The following CACNA1A variants were observed in gnomAD, a reference collection of about 807,000 sequenced individuals.
CACNA1A encodes voltage-dependent P/Q-type calcium channel subunit alpha-1A.
A neutral mutation model predicts 262.4 loss-of-function variants in CACNA1A; 57 were observed. That is an observed-to-expected ratio of 0.22 (90% CI 0.18 to 0.27). The LOEUF is 0.27. CACNA1A is among the 10% of genes least tolerant of loss of function. The pLI, the probability that CACNA1A is intolerant of heterozygous loss-of-function variation, is 1.00. For missense variants in CACNA1A, 2,526 were observed against 3,562.8 expected, an observed-to-expected ratio of 0.71 and a Z score of 7.41; for synonymous variants, 1,431 against 1,419.3, an observed-to-expected ratio of 1.01 and a Z score of -0.18.
In CACNA1A at chr19:13,286,563, G is replaced by A; in HGVS notation, c.3493C>T (p.His1165Tyr). The A allele has an allele frequency of 6.4e-7, 1 of 1,550,466 alleles. No individual in the cohort carries two copies. Among genetic ancestry groups the A allele is most frequent in the South Asian group, 1.3e-5 (1 of 79,312 alleles). The change falls in exon 20 of 47, where the codon CAC becomes TAC. Residue 1165 changes from histidine (H) to tyrosine (Y), a missense_variant. His to Tyr is a moderately conservative substitution (Grantham distance 83). This residue lies in a region of CACNA1A where 765 missense variants were observed against 748.6 expected (regional missense o/e 1.02). Coordinates refer to ENST00000360228, the MANE Select transcript of CACNA1A (RefSeq NM_001127222.2). ...NSAKTARKPD[H>Y]TTVDIPPACP... ...GCTGGGGGGATGTCCACTGTGGTGT[G>A]GTCGGGTTTCCTGGCAGTCTTAGCT...
chr19:13,470,599 C>G lies in CACNA1A; in HGVS notation c.294-15387G>C, dbSNP rs139773671. ...ATGCATTTCGATGTATTTTGCCATTCTCTTGTTGCCCTTTCTCCCTAAAAT... is the reference window on the plus strand; with the variant it reads ...ATGCATTTCGATGTATTTTGCCATTGTCTTGTTGCCCTTTCTCCCTAAAAT... On this transcript the variant is annotated intron_variant, in intron 1 of 46. Transcript: ENST00000360228. 2.8e-3 allele frequency among the ~76,000 whole-genome samples: 419 copies of G among 152,324 alleles called. 2 individuals are homozygous for G. Among genetic ancestry groups the G allele is most frequent in the African/African-American group, 9.5e-3 (395 of 41,572 alleles).
At chr19:13,371,841 G>A (rs1485614480) in intron 3 of CACNA1A, 62 bp from the exon 4 acceptor site, 6 of 1,195,528 alleles carry the variant, frequency 5.0e-6, no homozygotes, top group African/African-American at 4.5e-5. Flanking sequence ...ACAGCAGGGC[G>A]GGGGTGCTTG....
intron 32 of CACNA1A, 151 bp downstream of exon 32, chr19:13,235,463 G>C (rs757988504): frequency 3.3e-5 from 25 of 761,526 alleles, no homozygotes; most frequent in Admixed American, 8.2e-5. Flanking sequence ...GACACACCAG[G>C]GACAGGAAGT....
At chr19:13,461,467 G>A (rs1165220667) in intron 1 of CACNA1A, among the ~76,000 whole-genome samples, 1 of 152,250 alleles carries the variant, frequency 6.6e-6, no homozygotes, top group Non-Finnish European at 1.5e-5. Context: ...AAGTCTCCAT[G>A]AGCATGTTAA....
intron 37 of CACNA1A, chr19:13,226,479 G>A (rs1204233886): frequency 6.6e-6 from 1 of 152,440 alleles, no homozygotes; most frequent in African/African-American, 2.4e-5. Context: ...GGAAGATCAA[G>A]GTGGATGGGA....
intron 29 of CACNA1A, 37 bp downstream of exon 29, chr19:13,255,058 G>T (rs374288189): frequency 6.2e-7 from 1 of 1,608,332 alleles, no homozygotes; most frequent in South Asian, 1.1e-5. Context: ...ACGAGGTGGG[G>T]GTTAAGTAGT....
At chr19:13,404,145 T>C (rs751102191) in intron 3 of CACNA1A, among the ~76,000 whole-genome samples, 9 of 151,874 alleles carry the variant, frequency 5.9e-5, no homozygotes, top group Non-Finnish European at 8.8e-5. Context: ...AACAGGTTCA[T>C]AGGCACACAT....
intron 37 of CACNA1A, chr19:13,226,275 A>AGGGGGG (rs2055444404): frequency 1.5e-4 from 7 of 46,656 alleles, no homozygotes; most frequent in African/African-American, 2.9e-4. Context: ...GGGGGGCGGC[A>AGGGGGG]GGGAGGGGCA....
At chr19:13,240,726 A>T (rs1262784901) in intron 31 of CACNA1A, among the ~76,000 whole-genome samples, 1 of 130,190 alleles carries the variant, frequency 7.7e-6, no homozygotes, top group South Asian at 2.7e-4. Context: ...GTGTGCAGTG[A>T]CTGCAGTGAC....
At chr19:13,318,012 G>C (rs1399726650) in intron 10 of CACNA1A, among the ~76,000 whole-genome samples, 1 of 152,258 alleles carries the variant, frequency 6.6e-6, no homozygotes, top group Admixed American at 6.5e-5. Flanking sequence ...GATGGGTGCA[G>C]TGGCACATGC....
intron 24 of CACNA1A, chr19:13,271,323 C>T (rs1458520053): frequency 2.8e-5 from 4 of 144,762 alleles, no homozygotes; most frequent in African/African-American, 1.0e-4. Flanking sequence ...TGGGTTCAAG[C>T]AATTCTCCTG....
At chr19:13,269,759 ACAGT>A (rs1454029113) in intron 24 of CACNA1A, among the ~76,000 whole-genome samples, 1 of 152,216 alleles carries the variant, frequency 6.6e-6, no homozygotes, top group African/African-American at 2.4e-5. Flanking sequence ...TACAAGGGAC[ACAGT>A]CAGTGAATTG....
chr19:13,294,644 C>T (rs763551799), intron 19 of CACNA1A, among the ~76,000 whole-genome samples: 3 of 151,950 alleles, frequency 2.0e-5, no homozygotes, highest in African/African-American at 4.8e-5. Context: ...TCCACCACCA[C>T]GCCTGGCTAA....
intron 19 of CACNA1A, among the ~76,000 whole-genome samples, chr19:13,294,298 C>T (rs531673017): frequency 6.6e-6 from 1 of 151,618 alleles, no homozygotes; most frequent in East Asian, 1.9e-4. Context: ...GTGAGGAGCA[C>T]TAGAAAGTCA....
rs1320886964 is a variant in CACNA1A at position 13,310,478 on chromosome 19, AAAAAAAAAAAAATAT to A, written c.1669-1965_1669-1951del. On this transcript the variant is annotated intron_variant, in intron 12 of 46. Transcript: ENST00000360228. Reference sequence around the variant, plus strand: ...TCAAAAAAAAAAAAAAAAAAAAAAAAAAAAAAAAAAAATATATATATATATATATATATATGTAGA... The same window carrying A: ...TCAAAAAAAAAAAAAAAAAAAAAAAAATATATATATATATATATATGTAGA... Among the ~76,000 whole-genome samples the A allele has an allele frequency of 1.9e-3, 96 of 49,348 alleles. 1 individual carries two copies. The highest frequency in any genetic ancestry group is 2.5e-3 in the Admixed American group (11 of 4,370). 32.4% of individuals were successfully genotyped at this position (49,348 alleles called of 152,430 possible). A position where few individuals can be genotyped will look rare whatever the true frequency, so the allele number is the denominator to read the frequency against.
At chr19:13,500,355 G>C (rs1982230999) in intron 1 of CACNA1A, among the ~76,000 whole-genome samples, 1 of 152,182 alleles carries the variant, frequency 6.6e-6, no homozygotes. Flanking sequence ...GGGAATGGTA[G>C]AACTACCAGG....
intron 4 of CACNA1A, among the ~76,000 whole-genome samples, chr19:13,369,314 G>A (rs542991062): frequency 3.9e-5 from 6 of 152,220 alleles, no homozygotes; most frequent in South Asian, 2.1e-4. Flanking sequence ...ACAAAAGGCC[G>A]GCATCCTTGC....
At chr19:13,402,855 TATAC>T (rs1157575238) in intron 3 of CACNA1A, among the ~76,000 whole-genome samples, 72 of 72,692 alleles carry the variant, frequency 9.9e-4, no homozygotes, top group African/African-American at 3.4e-3. Flanking sequence ...CACATATATA[TATAC>T]ACACACACAC....
intron 7 of CACNA1A, 130 bp downstream of exon 7, chr19:13,335,676 G>T: frequency 1.4e-6 from 1 of 693,782 alleles, no homozygotes; most frequent in Non-Finnish European, 2.6e-6. Context: ...ATAACAGTCT[G>T]GTAACCCAAA....
Sources: gnomAD v4.1 joint callset for allele counts (sites outside exome capture counted in the v4.1 genomes callset) on GRCh38, gnomAD v4.1.1 for gene constraint, gnomAD v4.1.1 regional missense constraint, MANE v1.5 for transcripts, NCBI Gene and HGNC (gene_info 2026-07-23, HGNC 2026-07-21) for gene names.